Variants in PRR5L observed in about 807,000 individuals in gnomAD.
PRR5L encodes the protein proline-rich protein 5-like.
In PRR5L, 21 loss-of-function variants were observed where a neutral mutation model predicts 36.4. That is an observed-to-expected ratio of 0.58 (90% confidence interval 0.41 to 0.83). The LOEUF (loss-of-function observed/expected upper bound fraction) is 0.83, where lower values mean the gene tolerates loss of function less well. Ranked by LOEUF, PRR5L falls within the 40% of genes least tolerant of loss-of-function variation. The pLI is 0.00. For missense variants in PRR5L, 381 were observed against 473.3 expected, an observed-to-expected ratio of 0.80 and a Z score of 1.81; for synonymous variants, 188 against 197.0, an observed-to-expected ratio of 0.95 and a Z score of 0.38.
At chr11:36,376,585 C>G in intron 1 of PRR5L, 1 of 990,096 alleles carries the variant, frequency 1.0e-6, no homozygotes, top group Non-Finnish European at 1.2e-6. Context: ...TCATTTCTCT[C>G]CGGTGAGAAA....
chr11:36,315,039 TCA>T (rs771364516), intron 1 of PRR5L, among the ~76,000 whole-genome samples: 11 of 152,172 alleles, frequency 7.2e-5, no homozygotes, highest in Admixed American at 1.3e-4. Flanking sequence ...GTTGGATTTC[TCA>T]CAGTAGAAAA....
chr11:36,343,988 G>A (rs771214594), intron 1 of PRR5L, among the ~76,000 whole-genome samples: 7 of 151,862 alleles, frequency 4.6e-5, no homozygotes, highest in Non-Finnish European at 7.4e-5. Context: ...AGGCCGAGGC[G>A]GGTGGATCAC....
At chr11:36,437,956 A>C (rs548518116) in intron 6 of PRR5L, among the ~76,000 whole-genome samples, 1 of 152,334 alleles carries the variant, frequency 6.6e-6, no homozygotes, top group African/African-American at 2.4e-5. Flanking sequence ...ATTTAGTAGG[A>C]AGAATGCTCG....
chr11:36,462,248 G>A lies in PRR5L; in HGVS notation c.713-94G>A, dbSNP rs969484649. ...CACCTAAGAGCTGCTCCTAAAGGTT[G>A]AGCACCTTGTTCTTTTCCCCCAGTT... On this transcript the variant is annotated intron_variant, in intron 8 of 8. Transcript: ENST00000530639. 10 of 1,278,180 alleles carry A rather than the reference G, an allele frequency of 7.8e-6. No individual in the cohort carries two copies. The South Asian group carries it at 1.6e-4, about 20-fold the overall frequency. 79.2% of individuals were successfully genotyped at this position (1,278,180 alleles called of 1,614,324 possible).
At chr11:36,323,773 T>C (rs1468008050) in intron 1 of PRR5L, among the ~76,000 whole-genome samples, 1 of 152,190 alleles carries the variant, frequency 6.6e-6, no homozygotes, top group Non-Finnish European at 1.5e-5. Context: ...TAATCCCAGT[T>C]ACTTGGAAAG....
At chr11:36,326,349 A>G (rs370551908) in intron 1 of PRR5L, among the ~76,000 whole-genome samples, 2 of 151,370 alleles carry the variant, frequency 1.3e-5, no homozygotes, top group East Asian at 3.9e-4. Flanking sequence ...GCAAACCATT[A>G]TTGCTATCAC....
chr11:36,376,802 G>GGGCGC, intron 1 of PRR5L: 1 of 888,980 alleles, frequency 1.1e-6, no homozygotes, highest in Non-Finnish European at 1.3e-6. Context: ...TAATCTGACG[G>GGGCGC]GGCGCGGCGT....
chr11:36,459,135 T>C (rs924458840), intron 8 of PRR5L, among the ~76,000 whole-genome samples: 2 of 152,180 alleles, frequency 1.3e-5, no homozygotes, highest in Non-Finnish European at 2.9e-5. Flanking sequence ...GCCAGACCGG[T>C]TGCAGTGGCT....
intron 1 of PRR5L, among the ~76,000 whole-genome samples, chr11:36,370,332 T>G (rs525634): frequency 0.53 from 80,296 of 152,048 alleles, 22,614 homozygotes; most frequent in Admixed American, 0.64. Flanking sequence ...GATGACCCTA[T>G]GTAAAGCATT....
At chr11:36,308,701 T>C (rs1301214661) in intron 1 of PRR5L, among the ~76,000 whole-genome samples, 2 of 152,242 alleles carry the variant, frequency 1.3e-5, no homozygotes, top group African/African-American at 4.8e-5. Flanking sequence ...TGGGACACAG[T>C]ACACTTCCTG....
intron 1 of PRR5L, among the ~76,000 whole-genome samples, chr11:36,317,428 C>T (rs1042891753): frequency 6.6e-6 from 1 of 152,146 alleles, no homozygotes; most frequent in African/African-American, 2.4e-5. Flanking sequence ...TTAGCATGCA[C>T]CAAATGGTAG....
intron 1 of PRR5L, among the ~76,000 whole-genome samples, chr11:36,356,905 C>T (rs182362091): frequency 1.8e-4 from 28 of 152,274 alleles, no homozygotes; most frequent in African/African-American, 5.8e-4. Flanking sequence ...AAGATCATGT[C>T]TCTCACTTTA....
At chr11:36,327,273 A>C (rs796128772) in intron 1 of PRR5L, among the ~76,000 whole-genome samples, 18 of 152,346 alleles carry the variant, frequency 1.2e-4, no homozygotes, top group African/African-American at 4.3e-4. Flanking sequence ...CTGAAAAACT[A>C]GTTCATGCCA....
chr11:36,368,283 G>A lies in PRR5L; in HGVS notation c.-125-32714G>A, dbSNP rs561037506. On this transcript the variant is annotated intron_variant, in intron 1 of 8. Coordinates refer to ENST00000530639, the MANE Select transcript of PRR5L (RefSeq NM_001160167.2). The stretch of plus-strand genomic sequence containing the variant: ...GGAATCTGTAATGACCACTACAGGG[G>A]CAGGGGATAGCGAGTAGAATAGTCT... Among the ~76,000 whole-genome samples the A allele has an allele frequency of 6.6e-5, 10 of 152,268 alleles. No individual in the cohort carries two copies. In the South Asian group the frequency reaches 1.9e-3, roughly 28 times the overall value.
intron 1 of PRR5L, among the ~76,000 whole-genome samples, chr11:36,301,229 C>T (rs943678564): frequency 6.6e-6 from 1 of 152,102 alleles, no homozygotes; most frequent in South Asian, 2.1e-4. Context: ...GGTGGAGGAG[C>T]TTCCAAATTG....
intron 1 of PRR5L, among the ~76,000 whole-genome samples, chr11:36,351,782 TA>T (rs1349857484): frequency 2.7e-4 from 7 of 26,250 alleles, no homozygotes; most frequent in East Asian, 3.2e-3. Context: ...TATATTTATA[TA>T]TTTTTTTTAT....
At chr11:36,404,159 G>T (rs892199470) in intron 3 of PRR5L, among the ~76,000 whole-genome samples, 2 of 152,046 alleles carry the variant, frequency 1.3e-5, no homozygotes, top group African/African-American at 4.8e-5. Context: ...AGCACCAGAA[G>T]TTGAGTAGTT....
intron 3 of PRR5L, among the ~76,000 whole-genome samples, chr11:36,407,959 CA>C (rs1441247313): frequency 2.6e-5 from 4 of 152,144 alleles, no homozygotes; most frequent in African/African-American, 9.7e-5. Context: ...GATCCAAAGA[CA>C]GGTTTCTCCA....
chr11:36,424,134 G>T (rs1858329839), intron 4 of PRR5L, among the ~76,000 whole-genome samples: 1 of 152,168 alleles, frequency 6.6e-6, no homozygotes, highest in African/African-American at 2.4e-5. Flanking sequence ...TAATATAATT[G>T]AGATAAAGAT....
Sources: allele counts gnomAD v4.1 joint callset (sites outside exome capture counted in the v4.1 genomes callset), GRCh38; gene constraint gnomAD v4.1.1; transcripts MANE v1.5; gene names NCBI Gene and HGNC (gene_info 2026-07-23, HGNC 2026-07-21).